Variants in ZNF708 observed in about 807,000 individuals in gnomAD.
ZNF708 encodes the protein ZNF15, ZNF15L1.
ZNF708 carries 44 observed loss-of-function variants against 47.0 expected under a neutral mutation model. The observed-to-expected ratio is 0.94, with a 90% CI of 0.74 to 1.20. ZNF708 has a LOEUF of 1.20. ZNF708 is among the 50% of genes most tolerant of loss of function. ZNF708 has a pLI of 0.00. For synonymous variants in ZNF708, 184 were observed against 218.5 expected (o/e 0.84, Z 1.39); for missense variants, 557 against 656.0 (o/e 0.85, Z 1.65).
At chr19:21,315,142 A>G (rs546262245) in intron 1 of ZNF708, among the ~76,000 whole-genome samples, 2 of 152,282 alleles carry the variant, frequency 1.3e-5, no homozygotes, top group Admixed American at 1.3e-4. Context: ...ATGTTTATTT[A>G]TATTTACAGA....
At chr19:21,303,798 C>T (rs1398375824) in intron 3 of ZNF708, among the ~76,000 whole-genome samples, 1 of 151,612 alleles carries the variant, frequency 6.6e-6, no homozygotes, top group Non-Finnish European at 1.5e-5. Flanking sequence ...TAGTCAAGTA[C>T]TAGCATGAGA....
chr19:21,301,601 G>A (rs1972661176), intron 3 of ZNF708, among the ~76,000 whole-genome samples: 1 of 151,846 alleles, frequency 6.6e-6, no homozygotes, highest in African/African-American at 2.4e-5. Context: ...GGGCGACACA[G>A]CTAGACTCCA....
intron 3 of ZNF708, among the ~76,000 whole-genome samples, chr19:21,296,100 G>C (rs1972521678): frequency 6.6e-6 from 1 of 151,762 alleles, no homozygotes; most frequent in Admixed American, 6.6e-5. Flanking sequence ...TGTCTTATGA[G>C]ATAACCAGTA....
Position 21,329,217 on chromosome 19 carries a change from A to C in ZNF708, c.-5T>G. 6.2e-7 allele frequency: 1 copy of C among 1,611,706 alleles called. No homozygotes were observed. The highest frequency in any genetic ancestry group is 8.5e-7 in the Non-Finnish European group (1 of 1,178,316). On this transcript the variant is annotated 5_prime_UTR_variant, in exon 1 of 4. Transcript: ENST00000356929. Reference sequence around the variant, plus strand: ...GTCGGACGGCACTCTCACCATTTCTAGGCTTCCAGAGGGTCCTGGAGTCTT... The same window carrying C: ...GTCGGACGGCACTCTCACCATTTCTCGGCTTCCAGAGGGTCCTGGAGTCTT...
In ZNF708 at chr19:21,293,161, T is replaced by C; in HGVS notation, c.*113A>G. 5 of 1,261,964 alleles carry C rather than the reference T, an allele frequency of 4.0e-6. No individual in the cohort carries two copies. The South Asian group carries it at 5.4e-5, about 14-fold the overall frequency. 78.2% of individuals were successfully genotyped at this position (1,261,964 alleles called of 1,614,324 possible). A position where few individuals can be genotyped will look rare whatever the true frequency, so the allele number is the denominator to read the frequency against. ...TGAATTATCTTTTGTTTCATAAGGA[T>C]TAAGAGCCAGTTAAAGGCTTTGCCA... On this transcript the variant is annotated 3_prime_UTR_variant, in exon 4 of 4. Coordinates refer to ENST00000356929, the MANE Select transcript of ZNF708 (RefSeq NM_021269.3).
Position 21,329,314 on chromosome 19 carries a change from A to T in ZNF708, c.-102T>A, listed in dbSNP as rs1973329061. On this transcript the variant is annotated 5_prime_UTR_variant, in exon 1 of 4. Coordinates refer to ENST00000356929, the MANE Select transcript of ZNF708 (RefSeq NM_021269.3). ...GGGCCTCTAGGAGCAGAGGACAAACAGCAGTGAAGACGAGACCGGAGCTCC... is the reference window on the plus strand; with the variant it reads ...GGGCCTCTAGGAGCAGAGGACAAACTGCAGTGAAGACGAGACCGGAGCTCC... 3.9e-6 allele frequency: 6 copies of T among 1,552,112 alleles called. No individual in the cohort carries two copies. In the East Asian group the frequency reaches 1.4e-4, roughly 36 times the overall value.
intron 1 of ZNF708, among the ~76,000 whole-genome samples, chr19:21,315,811 T>C (rs768564721): frequency 3.3e-5 from 5 of 152,136 alleles, no homozygotes; most frequent in Non-Finnish European, 7.3e-5. Context: ...TAGCTACTTG[T>C]GGCAATAGCA....
intron 1 of ZNF708, among the ~76,000 whole-genome samples, chr19:21,324,944 A>T (rs1314038678): frequency 3.3e-5 from 5 of 151,836 alleles, no homozygotes; most frequent in Non-Finnish European, 5.9e-5. Context: ...CATTTTCTAC[A>T]GCCAAAATGG....
chr19:21,310,065 C>A (rs1205920283), intron 2 of ZNF708, among the ~76,000 whole-genome samples: 1 of 151,856 alleles, frequency 6.6e-6, no homozygotes, highest in Non-Finnish European at 1.5e-5. Flanking sequence ...AGTTGAAACT[C>A]ATTTATGTAA....
At chr19:21,315,370 G>T (rs2145176830) in intron 1 of ZNF708, among the ~76,000 whole-genome samples, 1 of 152,222 alleles carries the variant, frequency 6.6e-6, no homozygotes, top group South Asian at 2.1e-4. Flanking sequence ...GTAATCCCAG[G>T]CAGAAGCCAG....
chr19:21,305,358 G>A (rs1230309792), intron 3 of ZNF708, among the ~76,000 whole-genome samples: 1 of 151,864 alleles, frequency 6.6e-6, no homozygotes, highest in Non-Finnish European at 1.5e-5. Flanking sequence ...ATTTTTCAAA[G>A]ACATTACTAT....
Position 21,309,227 on chromosome 19 carries a change from T to A in ZNF708, c.226+19A>T. ...TGGACCTCACATCTGTGTCATCTGT[T>A]GTGTTCACTCTCACCTACCTGGGGG... On this transcript the variant is annotated intron_variant, in intron 3 of 3. Transcript: ENST00000356929. The A allele has an allele frequency of 6.3e-7, 1 of 1,575,958 alleles. No homozygotes were observed. Among genetic ancestry groups the A allele is most frequent in the Non-Finnish European group, 8.7e-7 (1 of 1,153,696 alleles).
chr19:21,296,774 T>C (rs1037996222), intron 3 of ZNF708, among the ~76,000 whole-genome samples: 20 of 152,108 alleles, frequency 1.3e-4, no homozygotes, highest in Non-Finnish European at 2.4e-4. Flanking sequence ...TATTAATTTT[T>C]CTCTAAAATT....
Position 21,310,566 on chromosome 19 carries a change from T to A in ZNF708, c.65A>T (p.Asp22Val), listed in dbSNP as rs373898844. ...EFSLEEWQCL[D>V]TAQQNLYRNV... Reference sequence around the variant, plus strand: ...CCTATATAAATTCTGCTGTGCTGTGTCCAGGCACTGCCACTCCTCCAGAGA... The same window carrying A: ...CCTATATAAATTCTGCTGTGCTGTGACCAGGCACTGCCACTCCTCCAGAGA... The change falls in exon 2 of 4, where the codon GAC becomes GTC. Residue 22 changes from aspartate (D) to valine (V), a missense_variant. Asp to Val is a radical substitution (Grantham distance 152, BLOSUM62 -3). Coordinates refer to ENST00000356929, the MANE Select transcript of ZNF708 (RefSeq NM_021269.3). 3.5e-5 allele frequency: 54 copies of A among 1,539,530 alleles called. No individual in the cohort carries two copies. Among genetic ancestry groups the A allele is most frequent in the Non-Finnish European group, 4.6e-5 (52 of 1,141,294 alleles).
chr19:21,298,661 A>T (rs1038582310), intron 3 of ZNF708, among the ~76,000 whole-genome samples: 2 of 152,178 alleles, frequency 1.3e-5, no homozygotes, highest in Non-Finnish European at 2.9e-5. Context: ...CTACATAATA[A>T]AAACAATTTT....
intron 1 of ZNF708, among the ~76,000 whole-genome samples, chr19:21,314,864 T>C (rs923182845): frequency 2.0e-5 from 3 of 152,146 alleles, no homozygotes; most frequent in Non-Finnish European, 4.4e-5. Flanking sequence ...CTGGACATCC[T>C]CAAATGTCTC....
intron 1 of ZNF708, among the ~76,000 whole-genome samples, chr19:21,315,335 C>T (rs1972980477): frequency 6.6e-6 from 1 of 152,110 alleles, no homozygotes; most frequent in African/African-American, 2.4e-5. Flanking sequence ...CAGTACATTC[C>T]CAATTCAAAG....
At chr19:21,307,390 C>T (rs1000717802) in intron 3 of ZNF708, among the ~76,000 whole-genome samples, 8 of 151,912 alleles carry the variant, frequency 5.3e-5, no homozygotes, top group African/African-American at 1.9e-4. Flanking sequence ...CTTTGGGAAG[C>T]TGAGGCGGGT....
At chr19:21,299,222 C>T (rs1011577115) in intron 3 of ZNF708, among the ~76,000 whole-genome samples, 1 of 151,420 alleles carries the variant, frequency 6.6e-6, no homozygotes, top group Non-Finnish European at 1.5e-5. Context: ...GGCATGGTGG[C>T]GGGTGCCTGT....
Sources: gnomAD v4.1 joint callset for allele counts (sites outside exome capture counted in the v4.1 genomes callset) on GRCh38, gnomAD v4.1.1 for gene constraint, MANE v1.5 for transcripts, NCBI Gene and HGNC (gene_info 2026-07-23, HGNC 2026-07-21) for gene names.